The following MS4A12 variants were observed in gnomAD, a reference collection of about 807,000 sequenced individuals.
The protein encoded by MS4A12 is membrane-spanning 4-domains subfamily A member 12.
In MS4A12, 28 loss-of-function variants were observed where a neutral mutation model predicts 23.7. That is an observed-to-expected ratio of 1.18 (90% CI 0.88 to 1.62). MS4A12 has a LOEUF of 1.62. Among genes scored for constraint, MS4A12 ranks in the 40% most tolerant of loss-of-function variants. MS4A12 has a pLI of 0.00. For missense variants in MS4A12, 342 were observed against 327.0 expected, an observed-to-expected ratio of 1.05 and a Z score of -0.35; for synonymous variants, 108 against 110.1, an observed-to-expected ratio of 0.98 and a Z score of 0.12.
Position 60,505,393 on chromosome 11 carries a change from G to A in MS4A12, c.589-1335G>A, listed in dbSNP as rs191669766. Among the ~76,000 whole-genome samples the A allele has an allele frequency of 8.7e-3, 1,331 of 152,166 alleles. 12 individuals carry two copies. Among genetic ancestry groups the A allele is most frequent in the Non-Finnish European group, 0.013 (858 of 68,010 alleles). Reference sequence around the variant, plus strand: ...ATGGGAGCTACAAGATGAGATTTGGGTGGGGACACAGAGCCAAACCGTATC... The same window carrying A: ...ATGGGAGCTACAAGATGAGATTTGGATGGGGACACAGAGCCAAACCGTATC... On this transcript the variant is annotated intron_variant, in intron 5 of 6. Transcript: ENST00000016913.
In MS4A12 at chr11:60,507,308, C is replaced by G. The variant is rs1485922958; in HGVS notation, c.*184C>G. On this transcript the variant is annotated 3_prime_UTR_variant, in exon 7 of 7. Coordinates refer to ENST00000016913, the MANE Select transcript of MS4A12 (RefSeq NM_017716.3). ...TTCACTGTCTCTTCCTACATTACCA[C>G]TACTACATGCTGGCAAAGGTGAAGG... The G allele has an allele frequency of 1.8e-6, 1 of 564,678 alleles. No individual in the cohort carries two copies. The highest frequency in any genetic ancestry group is 3.1e-6 in the Non-Finnish European group (1 of 319,654). The allele number at this position is 564,678 out of a possible 1,614,324, so 35.0% of individuals were successfully genotyped here. A position where few individuals can be genotyped will look rare whatever the true frequency, so the allele number is the denominator to read the frequency against.
Position 60,506,720 on chromosome 11 carries a change from G to A in MS4A12, c.589-8G>A, listed in dbSNP as rs758150152. The A allele has an allele frequency of 1.2e-6, 2 of 1,612,192 alleles. No homozygotes were observed. The highest frequency in any genetic ancestry group is 1.7e-6 in the Non-Finnish European group (2 of 1,178,398). On this transcript the variant is annotated splice_polypyrimidine_tract_variant and splice_region_variant and intron_variant, in intron 5 of 6. Coordinates refer to ENST00000016913, the MANE Select transcript of MS4A12 (RefSeq NM_017716.3). ...AGCCAAAATTTCACTATTTATTTATGATTTCAGCTTTCTGGAAAAGGCATT... is the reference window on the plus strand; with the variant it reads ...AGCCAAAATTTCACTATTTATTTATAATTTCAGCTTTCTGGAAAAGGCATT...
At chr11:60,497,263 G>A in intron 1 of MS4A12, 50 bp from the exon 2 acceptor site, 1 of 1,523,486 alleles carries the variant, frequency 6.6e-7, no homozygotes, top group South Asian at 1.3e-5. Context: ...ATTTTCTTTA[G>A]TTTCTTTTCT....
Position 60,502,041 on chromosome 11 carries a change from T to C in MS4A12, c.471+2T>C. The C allele has an allele frequency of 1.2e-6, 2 of 1,608,074 alleles. No individual in the cohort carries two copies. The highest frequency in any genetic ancestry group is 8.5e-7 in the Non-Finnish European group (1 of 1,174,562). On this transcript the variant is annotated splice_donor_variant, in intron 4 of 6. Coordinates refer to ENST00000016913, the MANE Select transcript of MS4A12 (RefSeq NM_017716.3). LOFTEE classifies it high-confidence loss of function. ...TCCAAGGAGCTTTCCCGTTGTCTGG[T>C]AAGTTAGACTGTCTCTACTTTTTGA...
chr11:60,497,861 G>T (rs1050376899), intron 2 of MS4A12: 10 of 340,164 alleles, frequency 2.9e-5, no homozygotes, highest in Non-Finnish European at 4.8e-5. Flanking sequence ...CATCTAGCTT[G>T]ATCTCATTTC....
At chr11:60,502,105 A>C in intron 4 of MS4A12, 66 bp downstream of exon 4, 1 of 1,471,472 alleles carries the variant, frequency 6.8e-7, no homozygotes, top group Non-Finnish European at 9.4e-7. Context: ...GGGGAGGAAA[A>C]TTGAAAAGCT....
In MS4A12 at chr11:60,501,406, C is replaced by T. The variant is rs2086529360; in HGVS notation, c.414+224C>T. Among the ~76,000 whole-genome samples the T allele has an allele frequency of 2.0e-5, 3 of 152,138 alleles. No homozygotes were observed. The South Asian group carries it at 6.2e-4, about 31-fold the overall frequency. Reference sequence around the variant, plus strand: ...ATGAAAAAATCGGGAACTCTTTCGCCATTTTACCTAGGAGCTTATTCCATT... The same window carrying T: ...ATGAAAAAATCGGGAACTCTTTCGCTATTTTACCTAGGAGCTTATTCCATT... On this transcript the variant is annotated intron_variant, in intron 3 of 6. Transcript: ENST00000016913.
At chr11:60,504,760 CG>C (rs1186109770) in intron 5 of MS4A12, among the ~76,000 whole-genome samples, 1 of 152,146 alleles carries the variant, frequency 6.6e-6, no homozygotes, top group African/African-American at 2.4e-5. Flanking sequence ...CACTGGATCT[CG>C]GAGTGGCAGG....
In MS4A12 at chr11:60,497,664, T is replaced by C. The variant is rs769344807; in HGVS notation, c.276+70T>C. ...TCTTCTTATAAGTTATAGGAGAGTA[T>C]CATCCAATTGCTAAAAAGTTCTGAA... is the stretch of plus-strand genomic sequence containing the variant. On this transcript the variant is annotated intron_variant, in intron 2 of 6. Coordinates refer to ENST00000016913, the MANE Select transcript of MS4A12 (RefSeq NM_017716.3). 6.0e-6 allele frequency: 9 copies of C among 1,500,308 alleles called. No individual in the cohort carries two copies. In the South Asian group the frequency reaches 7.2e-5, roughly 12 times the overall value. The allele number at this position is 1,500,308 out of a possible 1,614,324, so 92.9% of individuals were successfully genotyped here.
In MS4A12 at chr11:60,504,344, C is replaced by T. The variant is rs1204169776; in HGVS notation, c.588+527C>T. 3.3e-5 allele frequency among the ~76,000 whole-genome samples: 5 copies of T among 152,218 alleles called. 1 individual carries two copies. In the South Asian group the frequency reaches 8.3e-4, roughly 25 times the overall value. ...TTATATAGCCAAGCATGGACTCTGA[C>T]CTTAAGAGGAAATGGGTGGCCCAAG... On this transcript the variant is annotated intron_variant, in intron 5 of 6. Coordinates refer to ENST00000016913, the MANE Select transcript of MS4A12 (RefSeq NM_017716.3).
chr11:60,500,969 G>A, intron 2 of MS4A12, 76 bp from the exon 3 acceptor site: 5 of 1,468,504 alleles, frequency 3.4e-6, no homozygotes, highest in East Asian at 2.4e-5. Context: ...TAAATAAGCA[G>A]GGGCAGCAAT....
In MS4A12 at chr11:60,501,108, T is replaced by C; in HGVS notation, c.340T>C (p.Phe114Leu). 6.2e-7 allele frequency: 1 copy of C among 1,613,786 alleles called. No homozygotes were observed. Among genetic ancestry groups the C allele is most frequent in the Non-Finnish European group, 8.5e-7 (1 of 1,179,868 alleles). Residue 114 changes from phenylalanine to leucine, a missense_variant, in exon 3 of 7, where the codon TTC (phenylalanine) becomes CTC (leucine). Transcript: ENST00000016913. Reference protein sequence around the residue: ...GFGIVLCLISFSFREVLGFAS... With the variant: ...GFGIVLCLISLSFREVLGFAS... ...TGGAATTGTTTTGTGTTTAATATCC[T>C]TCTCTTTTAGAGAAGTATTAGGTTT...
In MS4A12 at chr11:60,501,980, C is replaced by G; in HGVS notation, c.415-3C>G. 6.2e-7 allele frequency: 1 copy of G among 1,610,814 alleles called. No individual in the cohort carries two copies. The highest frequency in any genetic ancestry group is 1.1e-5 in the South Asian group (1 of 90,698). On this transcript the variant is annotated splice_polypyrimidine_tract_variant and splice_region_variant and intron_variant, in intron 3 of 6. Coordinates refer to ENST00000016913, the MANE Select transcript of MS4A12 (RefSeq NM_017716.3). Reference sequence around the variant, plus strand: ...TCACAAATAAATTTGTCCATTTCCACAGTTTATTATCTCTGGCTCTCTCTC... The same window carrying G: ...TCACAAATAAATTTGTCCATTTCCAGAGTTTATTATCTCTGGCTCTCTCTC...
At chr11:60,497,990 C>T (rs1013725955) in intron 2 of MS4A12, 1 of 181,884 alleles carries the variant, frequency 5.5e-6, no homozygotes, top group African/African-American at 2.4e-5. Flanking sequence ...GAAAAGGAAA[C>T]TACAAATGGG....
intron 2 of MS4A12, among the ~76,000 whole-genome samples, chr11:60,498,915 A>C (rs976722428): frequency 2.0e-5 from 3 of 152,296 alleles, no homozygotes; most frequent in Admixed American, 6.5e-5. Context: ...ATAAAATAGA[A>C]CAGAATGAGT....
chr11:60,497,003 G>C (rs2086492044), intron 1 of MS4A12, among the ~76,000 whole-genome samples: 1 of 152,214 alleles, frequency 6.6e-6, no homozygotes. Flanking sequence ...GTTCACAGTA[G>C]GGTTCATGCT....
chr11:60,497,191 C>A (rs1262313683), intron 1 of MS4A12, 122 bp from the exon 2 acceptor site: 12 of 1,135,216 alleles, frequency 1.1e-5, no homozygotes, highest in Non-Finnish European at 1.4e-5. Flanking sequence ...TTGTTATGGC[C>A]CATTATCTGC....
chr11:60,493,276 T>C (rs1476207012), intron 1 of MS4A12, among the ~76,000 whole-genome samples: 1 of 150,516 alleles, frequency 6.6e-6, no homozygotes, highest in Admixed American at 6.6e-5. Context: ...CTCGGGGGGC[T>C]GAGGCAGGAG....
intron 2 of MS4A12, among the ~76,000 whole-genome samples, chr11:60,499,597 G>T (rs1226880813): frequency 1.3e-5 from 2 of 152,184 alleles, no homozygotes; most frequent in East Asian, 3.8e-4. Context: ...TAATTTTTCA[G>T]GGAGAAAGGT....
Sources: allele counts gnomAD v4.1 joint callset (sites outside exome capture counted in the v4.1 genomes callset), GRCh38; gene constraint gnomAD v4.1.1; transcripts MANE v1.5; gene names NCBI Gene and HGNC (gene_info 2026-07-23, HGNC 2026-07-21).